TECRL: variants seen among roughly 807,000 people sequenced by gnomAD.
TECRL encodes the protein trans-2,3-enoyl-CoA reductase like.
TECRL carries 63 observed loss-of-function variants against 52.8 expected under a neutral mutation model. That is an observed-to-expected ratio of 1.19 (90% CI 0.97 to 1.47). The LOEUF (loss-of-function observed/expected upper bound fraction) is 1.47, where lower values mean the gene tolerates loss of function less well. Among genes scored for constraint, TECRL ranks in the 40% most tolerant of loss-of-function variants. The pLI, the probability that TECRL is intolerant of heterozygous loss-of-function variation, is 0.00. For synonymous variants in TECRL, 164 were observed against 141.9 expected (o/e 1.16, Z -1.10); for missense variants, 482 against 429.6 (o/e 1.12, Z -1.08).
At chr4:64,345,907 CAAAAAAAAAAAAAA>C (rs777171822) in intron 2 of TECRL, among the ~76,000 whole-genome samples, 1 of 23,350 alleles carries the variant, frequency 4.3e-5, no homozygotes, top group Non-Finnish European at 6.8e-5. Context: ...GCCTCAACAG[CAAAAAAAAAAAAAA>C]AAAAAAAAAA....
At chr4:64,397,194 C>A (rs1724016366) in intron 1 of TECRL, among the ~76,000 whole-genome samples, 1 of 152,008 alleles carries the variant, frequency 6.6e-6, no homozygotes, top group Non-Finnish European at 1.5e-5. Flanking sequence ...TGCCTTCATT[C>A]ATTATATACC....
chr4:64,334,045 A>AAAAAAAAAAAAAAAAAAAAAG (rs1718864420), intron 2 of TECRL, among the ~76,000 whole-genome samples: 1 of 119,838 alleles, frequency 8.3e-6, no homozygotes, highest in Admixed American at 8.1e-5. Flanking sequence ...AAAAAAAAAA[A>AAAAAAAAAAAAAAAAAAAAAG]AAAAGAAAAA....
chr4:64,343,259 C>A (rs948721361), intron 2 of TECRL, among the ~76,000 whole-genome samples: 7 of 152,056 alleles, frequency 4.6e-5, no homozygotes, highest in Non-Finnish European at 8.8e-5. Flanking sequence ...TAGCTTATAT[C>A]TCTCCGTGTT....
At position 64,342,770 on chromosome 4, in the gene TECRL, T is replaced by G. The variant is rs188357550; in HGVS notation, c.287-14214A>C. 2.0e-3 allele frequency among the ~76,000 whole-genome samples: 309 copies of G among 152,168 alleles called. 7 individuals are homozygous for G. Among genetic ancestry groups the G allele is most frequent in the East Asian group, 5.8e-4 (3 of 5,184 alleles). On this transcript the variant is annotated intron_variant, in intron 2 of 11. Transcript: ENST00000381210. ...AATAATATGTCAAATTACAAAAAAA[T>G]TATTAAGAACTCATTAAATATACTA...
chr4:64,399,149 A>T (rs373225983), intron 1 of TECRL, among the ~76,000 whole-genome samples: 1 of 151,834 alleles, frequency 6.6e-6, no homozygotes, highest in Non-Finnish European at 1.5e-5. Context: ...AAGAGGCTTT[A>T]CTGGCCCAAC....
At chr4:64,357,943 A>G (rs1387203282) in intron 2 of TECRL, among the ~76,000 whole-genome samples, 4 of 151,802 alleles carry the variant, frequency 2.6e-5, no homozygotes, top group Admixed American at 6.6e-5. Context: ...AAAGACCATG[A>G]ACATGTGATT....
At chr4:64,313,042 T>A (rs1181467002) in intron 5 of TECRL, among the ~76,000 whole-genome samples, 1 of 152,116 alleles carries the variant, frequency 6.6e-6, no homozygotes, top group African/African-American at 2.4e-5. Context: ...ATTAAATCTT[T>A]TTTTCTTTAT....
chr4:64,363,522 C>T (rs1721349250), intron 2 of TECRL, among the ~76,000 whole-genome samples: 1 of 152,130 alleles, frequency 6.6e-6, no homozygotes, highest in African/African-American at 2.4e-5. Flanking sequence ...ACTGCTGTGT[C>T]TGGTTTCCAT....
chr4:64,322,829 C>T (rs765282343), intron 3 of TECRL, 37 bp from the exon 4 acceptor site: 4 of 1,449,472 alleles, frequency 2.8e-6, no homozygotes, highest in Non-Finnish European at 1.9e-6. Flanking sequence ...TATTTTAATA[C>T]AATTTCTTAG....
chr4:64,290,391 G>A (rs1412775312), intron 8 of TECRL, among the ~76,000 whole-genome samples: 1 of 152,154 alleles, frequency 6.6e-6, no homozygotes, highest in Non-Finnish European at 1.5e-5. Flanking sequence ...TGTGTCCTGT[G>A]AGGGTAAGAC....
chr4:64,348,858 A>G (rs1483168090), intron 2 of TECRL, among the ~76,000 whole-genome samples: 2 of 152,132 alleles, frequency 1.3e-5, no homozygotes, highest in South Asian at 2.1e-4. Flanking sequence ...GTCAGGGAAA[A>G]TATCCAATGT....
chr4:64,406,153 C>T (rs1157674349), intron 1 of TECRL, among the ~76,000 whole-genome samples: 7 of 99,512 alleles, frequency 7.0e-5, no homozygotes, highest in Non-Finnish European at 1.4e-4. Context: ...GTTAGGCGCG[C>T]GCGCGCGCGC....
chr4:64,341,265 TCAGGATCCACCAAA>T (rs1432088294), intron 2 of TECRL, among the ~76,000 whole-genome samples: 3 of 152,082 alleles, frequency 2.0e-5, no homozygotes, highest in Non-Finnish European at 4.4e-5. Flanking sequence ...GGACAAGAAC[TCAGGATCCACCAAA>T]CAGCAAGGCT....
intron 2 of TECRL, among the ~76,000 whole-genome samples, chr4:64,352,368 A>G (rs1720460264): frequency 1.3e-5 from 2 of 152,188 alleles, no homozygotes; most frequent in Admixed American, 1.3e-4. Context: ...ATCTGTCCTG[A>G]GAGAGGAATA....
intron 1 of TECRL, among the ~76,000 whole-genome samples, chr4:64,381,135 AT>A (rs970937923): frequency 5.9e-5 from 9 of 151,296 alleles, no homozygotes; most frequent in Admixed American, 1.3e-4. Context: ...AATTTATTCA[AT>A]TTTTTTTGGT....
intron 1 of TECRL, among the ~76,000 whole-genome samples, chr4:64,392,844 G>T (rs543567144): frequency 2.0e-5 from 3 of 152,028 alleles, no homozygotes; most frequent in African/African-American, 7.2e-5. Flanking sequence ...ACCACAGCAT[G>T]ACCTGGATTT....
At chr4:64,400,632 A>G (rs753032270) in intron 1 of TECRL, among the ~76,000 whole-genome samples, 1 of 152,100 alleles carries the variant, frequency 6.6e-6, no homozygotes, top group Non-Finnish European at 1.5e-5. Context: ...TTTCTCATGA[A>G]TGGTTTAGTA....
intron 9 of TECRL, among the ~76,000 whole-genome samples, chr4:64,288,136 C>T (rs922139443): frequency 4.7e-5 from 7 of 149,642 alleles, no homozygotes; most frequent in African/African-American, 1.2e-4. Flanking sequence ...GCTACAAGAG[C>T]GAGACTCCAT....
chr4:64,393,474 T>C (rs1723694628), intron 1 of TECRL, among the ~76,000 whole-genome samples: 1 of 152,060 alleles, frequency 6.6e-6, no homozygotes, highest in Non-Finnish European at 1.5e-5. Context: ...AAAGTTACTT[T>C]CAAAATTAAT....
Sources: gnomAD v4.1 joint callset for allele counts (sites outside exome capture counted in the v4.1 genomes callset) on GRCh38, gnomAD v4.1.1 for gene constraint, MANE v1.5 for transcripts, NCBI Gene and HGNC (gene_info 2026-07-23, HGNC 2026-07-21) for gene names.